HACD2: variants seen among roughly 807,000 people sequenced by gnomAD.
HACD2 encodes very-long-chain (3R)-3-hydroxyacyl-CoA dehydratase 2.
HACD2 carries 15 observed loss-of-function variants against 31.0 expected under a neutral mutation model. The ratio of observed to expected loss-of-function variants is 0.48; its 90% CI spans 0.32 to 0.75. The LOEUF (loss-of-function observed/expected upper bound fraction) is 0.75, where lower values mean the gene tolerates loss of function less well. Ranked by LOEUF, HACD2 falls within the 30% of genes least tolerant of loss-of-function variation. HACD2 has a pLI of 0.03. For synonymous variants in HACD2, 115 were observed against 122.2 expected (o/e 0.94, Z 0.39); for missense variants, 283 against 313.0 (o/e 0.90, Z 0.72).
chr3:123,542,160 A>AAAAAAAAAAAAAAAAAAC (rs2056500354), intron 3 of HACD2, among the ~76,000 whole-genome samples: 1 of 148,888 alleles, frequency 6.7e-6, no homozygotes, highest in Non-Finnish European at 1.5e-5. Flanking sequence ...AAAAAAAAAA[A>AAAAAAAAAAAAAAAAAAC]AAAAAAAAAA....
At position 123,584,915 on chromosome 3, in the gene HACD2, GC is replaced by G; in HGVS notation, c.112del (p.Ala38ProfsTer11). The G allele has an allele frequency of 6.5e-7, 1 of 1,527,956 alleles. No individual in the cohort carries two copies. The highest frequency in any genetic ancestry group is 8.8e-7 in the Non-Finnish European group (1 of 1,137,438). 94.6% of individuals were successfully genotyped at this position (1,527,956 alleles called of 1,614,324 possible). ...ATTGTAGATGACCAGGTACGCCGTG[GC>G]CAGGGGCCCCGGGCCCTTCTTCTTC... ...TRKKKGPGPL[A>X]TAYLVIYNVV... is the part of the protein sequence containing the mutation. On this transcript the variant is annotated frameshift_variant, in exon 1 of 7. Coordinates refer to ENST00000383657, the MANE Select transcript of HACD2 (RefSeq NM_198402.5). LOFTEE classifies it high-confidence loss of function.
Position 123,542,778 on chromosome 3 carries a change from C to T in HACD2, c.293-14304G>A, listed in dbSNP as rs116678446. 3.2e-3 allele frequency among the ~76,000 whole-genome samples: 493 copies of T among 152,262 alleles called. 2 individuals carry two copies. The highest frequency in any genetic ancestry group is 0.011 in the African/African-American group (463 of 41,530). ...TACAAGATGAGCCGAAACATTCTGTCGTATCAGAAAGCAGAACATTATTAA... is the reference window on the plus strand; with the variant it reads ...TACAAGATGAGCCGAAACATTCTGTTGTATCAGAAAGCAGAACATTATTAA... On this transcript the variant is annotated intron_variant, in intron 3 of 6. Coordinates refer to ENST00000383657, the MANE Select transcript of HACD2 (RefSeq NM_198402.5).
At chr3:123,540,290 T>C (rs1329965551) in intron 3 of HACD2, among the ~76,000 whole-genome samples, 1 of 152,102 alleles carries the variant, frequency 6.6e-6, no homozygotes, top group Non-Finnish European at 1.5e-5. Context: ...TTATTGAAGT[T>C]CTTACAGGTA....
chr3:123,561,330 G>C (rs73857671), intron 3 of HACD2, among the ~76,000 whole-genome samples: 1 of 152,210 alleles, frequency 6.6e-6, no homozygotes, highest in African/African-American at 2.4e-5. Flanking sequence ...GTTTGAGGGA[G>C]GAGTGCAAGC....
At chr3:123,548,554 TATCA>T (rs2056585216) in intron 3 of HACD2, among the ~76,000 whole-genome samples, 1 of 152,248 alleles carries the variant, frequency 6.6e-6, no homozygotes, top group South Asian at 2.1e-4. Flanking sequence ...TGTTTTAATG[TATCA>T]ATAGAAAACT....
At chr3:123,578,010 T>A (rs1252709246) in intron 2 of HACD2, among the ~76,000 whole-genome samples, 1 of 152,190 alleles carries the variant, frequency 6.6e-6, no homozygotes, top group Non-Finnish European at 1.5e-5. Context: ...AAGGAAATCC[T>A]GTACCATTAG....
rs2055779917 is a variant in HACD2 at position 123,492,788 on chromosome 3, A to G, written c.*2100T>C. 6.6e-6 allele frequency: 1 copy of G among 152,258 alleles called. No individual in the cohort carries two copies. Among genetic ancestry groups the G allele is most frequent in the Non-Finnish European group, 1.5e-5 (1 of 68,042 alleles). The allele number at this position is 152,258 out of a possible 1,614,324, so 9.4% of individuals were successfully genotyped here. On this transcript the variant is annotated 3_prime_UTR_variant, in exon 7 of 7. Coordinates refer to ENST00000383657, the MANE Select transcript of HACD2 (RefSeq NM_198402.5). ...TTTCCAAAAACAACTGAAAAAATCT[A>G]ACAGAACAAAGTAAATGACAAATAT...
chr3:123,524,555 TGGAACTGTTGA>T (rs1232532943), intron 4 of HACD2, among the ~76,000 whole-genome samples: 4 of 152,182 alleles, frequency 2.6e-5, no homozygotes, highest in African/African-American at 9.7e-5. Flanking sequence ...TATGGCATGG[TGGAACTGTTGA>T]GGAGGAAAAG....
chr3:123,531,604 C>G (rs951945412), intron 3 of HACD2, among the ~76,000 whole-genome samples: 5 of 152,180 alleles, frequency 3.3e-5, no homozygotes, highest in Admixed American at 3.3e-4. Flanking sequence ...AGCCACCACA[C>G]CTGGTCAACA....
At chr3:123,510,945 G>GT (rs1476678170) in intron 4 of HACD2, among the ~76,000 whole-genome samples, 1 of 115,006 alleles carries the variant, frequency 8.7e-6, no homozygotes, top group African/African-American at 3.4e-5. Context: ...TTTTTTTTTT[G>GT]TTTTTTTTTG....
chr3:123,550,796 G>A (rs1023423381), intron 3 of HACD2, among the ~76,000 whole-genome samples: 4 of 152,206 alleles, frequency 2.6e-5, no homozygotes, highest in Non-Finnish European at 5.9e-5. Flanking sequence ...GAAGTGGTAT[G>A]TGGGAGCCAC....
chr3:123,527,809 A>T (rs866983051), intron 4 of HACD2, among the ~76,000 whole-genome samples: 3 of 152,192 alleles, frequency 2.0e-5, no homozygotes, highest in Non-Finnish European at 2.9e-5. Flanking sequence ...CTTAGTAAAT[A>T]TGTAAAAGGC....
chr3:123,523,287 T>C (rs1225632006), intron 4 of HACD2, among the ~76,000 whole-genome samples: 1 of 152,152 alleles, frequency 6.6e-6, no homozygotes, highest in African/African-American at 2.4e-5. Flanking sequence ...GAAAACCGTG[T>C]TCTCTCTCTG....
At chr3:123,532,947 C>T (rs2056382456) in intron 3 of HACD2, among the ~76,000 whole-genome samples, 1 of 151,040 alleles carries the variant, frequency 6.6e-6, no homozygotes, top group African/African-American at 2.4e-5. Flanking sequence ...GCCTCTCATA[C>T]AGGTAGGAAA....
At chr3:123,579,644 C>G (rs538820038) in intron 2 of HACD2, among the ~76,000 whole-genome samples, 4 of 152,048 alleles carry the variant, frequency 2.6e-5, no homozygotes, top group Admixed American at 2.6e-4. Context: ...GAGATAGAAA[C>G]CCCTTTAAAT....
At chr3:123,534,275 A>G (rs2056399359) in intron 3 of HACD2, among the ~76,000 whole-genome samples, 5 of 152,300 alleles carry the variant, frequency 3.3e-5, no homozygotes, top group Middle Eastern at 3.4e-3. Context: ...TGCACCACAC[A>G]ATGGCATTTC....
intron 3 of HACD2, among the ~76,000 whole-genome samples, chr3:123,561,570 T>C (rs1375233158): frequency 2.0e-5 from 3 of 152,128 alleles, no homozygotes; most frequent in South Asian, 2.1e-4. Context: ...ACCAAGAGTA[T>C]CTTCAGTTCC....
At chr3:123,500,210 T>C (rs2055884912) in intron 6 of HACD2, among the ~76,000 whole-genome samples, 1 of 152,234 alleles carries the variant, frequency 6.6e-6, no homozygotes, top group Non-Finnish European at 1.5e-5. Context: ...AGGCCTTTAA[T>C]GGCTTTTTTG....
At chr3:123,555,388 G>A (rs2107735370) in intron 3 of HACD2, among the ~76,000 whole-genome samples, 1 of 152,040 alleles carries the variant, frequency 6.6e-6, no homozygotes, top group South Asian at 2.1e-4. Context: ...TAATAAGCAA[G>A]TATAGCAAGG....
Sources: gnomAD v4.1 joint callset for allele counts (sites outside exome capture counted in the v4.1 genomes callset) on GRCh38, gnomAD v4.1.1 for gene constraint, MANE v1.5 for transcripts, NCBI Gene and HGNC (gene_info 2026-07-23, HGNC 2026-07-21) for gene names.